Variants in PRKN observed in about 807,000 individuals in gnomAD.
PRKN encodes parkin RBR E3 ubiquitin protein ligase.
In PRKN, 56 loss-of-function variants were observed where a neutral mutation model predicts 59.5. The observed-to-expected ratio is 0.94, with a 90% CI of 0.76 to 1.18. PRKN has a LOEUF of 1.18. PRKN is among the 50% of genes most tolerant of loss of function. The probability of loss-of-function intolerance (pLI) is 0.00; values close to 1 mark genes in which losing one functional copy is unlikely to be tolerated. For synonymous variants in PRKN, 250 were observed against 222.1 expected (o/e 1.13, Z -1.12); for missense variants, 657 against 596.4 (o/e 1.10, Z -1.06).
intron 2 of PRKN, among the ~76,000 whole-genome samples, chr6:162,309,528 G>A (rs1450866375): frequency 6.6e-6 from 1 of 152,142 alleles, no homozygotes; most frequent in Non-Finnish European, 1.5e-5. Context: ...CTTCTTGGAT[G>A]TGGTGAAGGG....
intron 6 of PRKN, among the ~76,000 whole-genome samples, chr6:161,884,204 T>C (rs1193747912): frequency 1.3e-5 from 2 of 152,192 alleles, no homozygotes; most frequent in Non-Finnish European, 2.9e-5. Context: ...GAAAACACAC[T>C]GATGAAAGAA....
At chr6:162,237,562 TAA>T (rs1448248516) in intron 3 of PRKN, among the ~76,000 whole-genome samples, 1 of 152,118 alleles carries the variant, frequency 6.6e-6, no homozygotes, top group Admixed American at 6.5e-5. Flanking sequence ...TGGCTAGAAA[TAA>T]GTTTGTTGAA....
chr6:161,746,655 T>C (rs1000388024), intron 7 of PRKN, among the ~76,000 whole-genome samples: 45 of 146,700 alleles, frequency 3.1e-4, no homozygotes, highest in Non-Finnish European at 5.4e-4. Flanking sequence ...TATATCTATA[T>C]AGATATATAT....
chr6:162,432,135 C>G (rs566998450), intron 2 of PRKN, among the ~76,000 whole-genome samples: 1 of 152,220 alleles, frequency 6.6e-6, no homozygotes, highest in East Asian at 1.9e-4. Flanking sequence ...ATTTCCCCCT[C>G]AAAACAATGC....
chr6:161,612,689 C>G (rs1407805693), intron 7 of PRKN, among the ~76,000 whole-genome samples: 5 of 145,290 alleles, frequency 3.4e-5, no homozygotes, highest in Non-Finnish European at 3.0e-5. Context: ...CCGCTGCACT[C>G]CAGCCTGGGT....
chr6:162,723,198 G>C (rs1388241259), intron 1 of PRKN, among the ~76,000 whole-genome samples: 1 of 152,188 alleles, frequency 6.6e-6, no homozygotes, highest in Admixed American at 6.5e-5. Flanking sequence ...CTGGCACCTA[G>C]AGCAGTTAAG....
intron 4 of PRKN, among the ~76,000 whole-genome samples, chr6:162,124,782 G>A (rs755211185): frequency 6.6e-6 from 1 of 152,170 alleles, no homozygotes; most frequent in Non-Finnish European, 1.5e-5. Context: ...CTGGATAGGA[G>A]AGTTTTGAGA....
intron 2 of PRKN, among the ~76,000 whole-genome samples, chr6:162,379,980 C>T (rs1415781873): frequency 6.6e-6 from 1 of 152,138 alleles, no homozygotes; most frequent in East Asian, 1.9e-4. Context: ...TAAACAGAAA[C>T]CCTGCGGGAC....
intron 6 of PRKN, among the ~76,000 whole-genome samples, chr6:161,829,849 CAAAAA>C (rs11457054): frequency 3.5e-5 from 3 of 86,444 alleles, no homozygotes; most frequent in Non-Finnish European, 5.6e-5. Flanking sequence ...CACTAAATGC[CAAAAA>C]AAAAAAAAAA....
intron 7 of PRKN, among the ~76,000 whole-genome samples, chr6:161,771,654 T>A (rs1789700006): frequency 6.6e-6 from 1 of 152,000 alleles, no homozygotes. Context: ...AACACTCGAG[T>A]AGAATCAGTG....
chr6:161,992,387 G>A (rs1028753538), intron 5 of PRKN, among the ~76,000 whole-genome samples: 10 of 152,098 alleles, frequency 6.6e-5, no homozygotes, highest in Non-Finnish European at 1.0e-4. Flanking sequence ...AATGAAACAT[G>A]TATCAATTCA....
At chr6:162,670,769 A>G (rs553507159) in intron 1 of PRKN, among the ~76,000 whole-genome samples, 13 of 152,368 alleles carry the variant, frequency 8.5e-5, no homozygotes, top group African/African-American at 3.1e-4. Context: ...TAAATATACC[A>G]TATTTACAAT....
chr6:161,363,708 T>C lies in PRKN; in HGVS notation c.1168-3503A>G, dbSNP rs1785073096. Among the ~76,000 whole-genome samples, 1 of 152,192 alleles carries C rather than the reference T, an allele frequency of 6.6e-6. No individual in the cohort carries two copies. The highest frequency in any genetic ancestry group is 2.1e-4 in the South Asian group (1 of 4,830). ...TCCCCCCAGCTGATTTCTTAATGCA[T>C]GGGTGCTGGCAGACAGTGATGGTAT... On this transcript the variant is annotated intron_variant, in intron 10 of 11. Transcript: ENST00000366898. The surrounding 1 kb of genome is among the most constrained non-coding windows in gnomAD (Gnocchi z 4.1).
chr6:162,337,928 T>C (rs1003430666), intron 2 of PRKN, among the ~76,000 whole-genome samples: 1 of 152,136 alleles, frequency 6.6e-6, no homozygotes, highest in Non-Finnish European at 1.5e-5. Context: ...AAATACATTA[T>C]TAATGTTACA....
At chr6:161,978,015 TG>T (rs1448185629) in intron 5 of PRKN, among the ~76,000 whole-genome samples, 19 of 142,486 alleles carry the variant, frequency 1.3e-4, no homozygotes, top group African/African-American at 5.2e-4. Flanking sequence ...GTTATTTTAT[TG>T]TATTTTATTT....
At chr6:161,963,809 T>C (rs1313683788) in intron 6 of PRKN, among the ~76,000 whole-genome samples, 1 of 152,242 alleles carries the variant, frequency 6.6e-6, no homozygotes, top group Non-Finnish European at 1.5e-5. Flanking sequence ...ACCTCTTTGA[T>C]GCAAAGTCTT....
intron 4 of PRKN, among the ~76,000 whole-genome samples, chr6:162,102,617 T>A (rs535463170): frequency 1.3e-5 from 2 of 152,230 alleles, no homozygotes; most frequent in South Asian, 4.1e-4. Flanking sequence ...GCAGGTATTT[T>A]ATCTAAAAGA....
chr6:162,655,028 T>A (rs895590649), intron 1 of PRKN, among the ~76,000 whole-genome samples: 1 of 152,228 alleles, frequency 6.6e-6, no homozygotes, highest in Non-Finnish European at 1.5e-5. Context: ...CAATTCTGTA[T>A]GCATAGTTAT....
chr6:162,546,423 T>A (rs1779118737), intron 1 of PRKN, among the ~76,000 whole-genome samples: 3 of 151,842 alleles, frequency 2.0e-5, no homozygotes, highest in Non-Finnish European at 1.5e-5. Flanking sequence ...TTTGACCTTG[T>A]TATTTGACCA....
Sources: gnomAD v4.1 joint callset for allele counts (sites outside exome capture counted in the v4.1 genomes callset) on GRCh38, gnomAD v4.1.1 for gene constraint, Gnocchi (gnomAD v3.1) non-coding constraint, MANE v1.5 for transcripts, NCBI Gene and HGNC (gene_info 2026-07-23, HGNC 2026-07-21) for gene names.